Variants in TNRC6A observed in about 807,000 individuals in gnomAD.
The protein encoded by TNRC6A is trinucleotide repeat containing adaptor 6A.
TNRC6A carries 44 observed loss-of-function variants against 221.2 expected under a neutral mutation model. The observed-to-expected ratio is 0.20, with a 90% CI of 0.16 to 0.26. TNRC6A has a LOEUF of 0.26. Among genes scored for constraint, TNRC6A ranks in the 10% least tolerant of loss-of-function variants. TNRC6A has a pLI of 1.00. For missense variants in TNRC6A, 2,199 were observed against 2,404.4 expected, an observed-to-expected ratio of 0.91 and a Z score of 1.79; for synonymous variants, 847 against 838.5, an observed-to-expected ratio of 1.01 and a Z score of -0.18.
At chr16:24,680,378 A>G (rs1454850680) in intron 2 of TNRC6A, among the ~76,000 whole-genome samples, 6 of 151,594 alleles carry the variant, frequency 4.0e-5, no homozygotes, top group African/African-American at 7.3e-5. Flanking sequence ...CCATGATCAC[A>G]CCACTGTACT....
chr16:24,667,744 A>G (rs1010172829), intron 2 of TNRC6A, among the ~76,000 whole-genome samples: 2 of 152,214 alleles, frequency 1.3e-5, no homozygotes, highest in African/African-American at 2.4e-5. Context: ...CCACTGTTTA[A>G]TATATTTCAG....
intron 4 of TNRC6A, among the ~76,000 whole-genome samples, chr16:24,771,153 G>A (rs2057582742): frequency 6.6e-6 from 1 of 152,142 alleles, no homozygotes; most frequent in African/African-American, 2.4e-5. Context: ...TTTTTTAAAT[G>A]TATGTATGTT....
intron 2 of TNRC6A, chr16:24,663,853 C>A: frequency 2.2e-6 from 1 of 451,940 alleles, no homozygotes; most frequent in Non-Finnish European, 4.4e-6. Flanking sequence ...CATCAACTAC[C>A]CGGCATGGCC....
At chr16:24,711,298 G>T (rs1361118014) in intron 2 of TNRC6A, among the ~76,000 whole-genome samples, 6 of 152,000 alleles carry the variant, frequency 3.9e-5, no homozygotes, top group Non-Finnish European at 7.4e-5. Flanking sequence ...GTGAGCCACC[G>T]CGCCTGGCCC....
chr16:24,779,701 G>A (rs2057798754), intron 5 of TNRC6A, among the ~76,000 whole-genome samples: 1 of 152,126 alleles, frequency 6.6e-6, no homozygotes, highest in Admixed American at 6.5e-5. Flanking sequence ...GAAGAACAAG[G>A]TACTAGTTAG....
chr16:24,692,398 C>T (rs1233642049), intron 2 of TNRC6A, among the ~76,000 whole-genome samples: 1 of 152,010 alleles, frequency 6.6e-6, no homozygotes, highest in Non-Finnish European at 1.5e-5. Context: ...TGGTGAAACC[C>T]GTCTCTACTA....
intron 4 of TNRC6A, among the ~76,000 whole-genome samples, chr16:24,763,603 A>T (rs2057409552): frequency 1.3e-5 from 2 of 152,228 alleles, no homozygotes; most frequent in African/African-American, 4.8e-5. Context: ...ATAATCCATT[A>T]TTCTAAACTC....
intron 2 of TNRC6A, among the ~76,000 whole-genome samples, chr16:24,645,796 G>T (rs938692236): frequency 8.2e-6 from 1 of 121,438 alleles, no homozygotes. Flanking sequence ...TCAGGAGTTC[G>T]AGACCAACCT....
At chr16:24,761,149 T>C (rs891866411) in intron 4 of TNRC6A, among the ~76,000 whole-genome samples, 19 of 152,210 alleles carry the variant, frequency 1.2e-4, no homozygotes, top group Admixed American at 4.6e-4. Flanking sequence ...TTTAGCCACA[T>C]GTGGCTGTCA....
chr16:24,678,070 G>A (rs2055455819), intron 2 of TNRC6A, among the ~76,000 whole-genome samples: 1 of 152,088 alleles, frequency 6.6e-6, no homozygotes, highest in African/African-American at 2.4e-5. Flanking sequence ...AACACTTTGG[G>A]AGGCCGAGGT....
chr16:24,610,936 G>A (rs371484500), intron 1 of TNRC6A, among the ~76,000 whole-genome samples: 13 of 151,858 alleles, frequency 8.6e-5, no homozygotes, highest in African/African-American at 2.9e-4. Context: ...TCAGCCTCCC[G>A]AATAGCTGGG....
intron 3 of TNRC6A, among the ~76,000 whole-genome samples, chr16:24,756,489 G>A (rs936738674): frequency 7.9e-5 from 12 of 152,126 alleles, no homozygotes; most frequent in African/African-American, 1.9e-4. Context: ...CATTAAATCC[G>A]ATTCTTAGGG....
chr16:24,643,371 T>G (rs576017211), intron 2 of TNRC6A, among the ~76,000 whole-genome samples: 1 of 151,872 alleles, frequency 6.6e-6, no homozygotes, highest in East Asian at 1.9e-4. Context: ...ATTCCAAAAC[T>G]CAGAGAATGG....
intron 9 of TNRC6A, 132 bp downstream of exon 9, chr16:24,796,071 G>GAT: frequency 2.1e-6 from 2 of 963,672 alleles, no homozygotes; most frequent in East Asian, 5.0e-5. Flanking sequence ...AATACACTAA[G>GAT]ATATGAGTTT....
chr16:24,659,060 C>G (rs11641838), intron 2 of TNRC6A, among the ~76,000 whole-genome samples: 18,033 of 151,896 alleles, frequency 0.12, 1,486 homozygotes, highest in African/African-American at 0.22. Context: ...CCACCCGCCT[C>G]AGTCTCCCAA....
chr16:24,706,955 C>T (rs1273860067), intron 2 of TNRC6A, among the ~76,000 whole-genome samples: 1 of 148,368 alleles, frequency 6.7e-6, no homozygotes, highest in South Asian at 2.1e-4. Flanking sequence ...GACAGATAAA[C>T]GATGTATTTA....
chr16:24,656,239 G>A (rs912613600), intron 2 of TNRC6A, among the ~76,000 whole-genome samples: 8 of 151,794 alleles, frequency 5.3e-5, no homozygotes, highest in Non-Finnish European at 7.4e-5. Context: ...AAGGCAGGTG[G>A]ATCACCTGAG....
At chr16:24,733,743 G>A (rs2056697608) in intron 2 of TNRC6A, among the ~76,000 whole-genome samples, 1 of 152,226 alleles carries the variant, frequency 6.6e-6, no homozygotes, top group Non-Finnish European at 1.5e-5. Context: ...AGGTATGGGA[G>A]CTATTGCATG....
chr16:24,804,576 C>T, intron 12 of TNRC6A, 129 bp from the exon 13 acceptor site: 1 of 1,375,770 alleles, frequency 7.3e-7, no homozygotes. Flanking sequence ...AATCCGATCT[C>T]TTCTGTTTTC....
Sources: allele counts gnomAD v4.1 joint callset (sites outside exome capture counted in the v4.1 genomes callset), GRCh38; gene constraint gnomAD v4.1.1; transcripts MANE v1.5; gene names NCBI Gene and HGNC (gene_info 2026-07-23, HGNC 2026-07-21).